SIK3: variants seen among roughly 807,000 people sequenced by gnomAD.
The protein encoded by SIK3 is SIK family kinase 3, also known as serine/threonine-protein kinase SIK3.
In SIK3, 28 loss-of-function variants were observed where a neutral mutation model predicts 144.2. The observed-to-expected ratio is 0.19, with a 90% CI of 0.14 to 0.27. The LOEUF is 0.27. Among genes scored for constraint, SIK3 ranks in the 10% least tolerant of loss-of-function variants. SIK3 has a pLI of 1.00. For missense variants in SIK3, 1,319 were observed against 1,776.0 expected, an observed-to-expected ratio of 0.74 and a Z score of 4.62; for synonymous variants, 686 against 676.3, an observed-to-expected ratio of 1.01 and a Z score of -0.22.
intron 1 of SIK3, among the ~76,000 whole-genome samples, chr11:117,063,186 G>A (rs868305223): frequency 4.5e-4 from 69 of 152,078 alleles, no homozygotes; most frequent in African/African-American, 1.5e-3. Flanking sequence ...AATTATTAAA[G>A]TGATATAAAC....
chr11:116,938,224 G>A (rs1469233180), intron 3 of SIK3, among the ~76,000 whole-genome samples: 24 of 105,244 alleles, frequency 2.3e-4, no homozygotes, highest in South Asian at 4.0e-4. Context: ...GGAGGGGAGG[G>A]GAGGGGAGGG....
At chr11:116,931,383 C>T (rs890376667) in intron 3 of SIK3, among the ~76,000 whole-genome samples, 2 of 152,148 alleles carry the variant, frequency 1.3e-5, no homozygotes, top group Admixed American at 1.3e-4. Flanking sequence ...TTCCCTAGGC[C>T]AGCTTCAATG....
chr11:116,982,037 T>C (rs936417862), intron 1 of SIK3, among the ~76,000 whole-genome samples: 4 of 152,108 alleles, frequency 2.6e-5, no homozygotes, highest in Non-Finnish European at 5.9e-5. Context: ...GAGGCTTCTT[T>C]CCCCTCTCCA....
At chr11:117,061,237 C>A (rs1481171142) in intron 1 of SIK3, among the ~76,000 whole-genome samples, 1 of 151,778 alleles carries the variant, frequency 6.6e-6, no homozygotes, top group Admixed American at 6.6e-5. Context: ...AGCAAGACCC[C>A]ATCTCAAAAA....
At chr11:116,861,459 A>C in intron 18 of SIK3, 76 bp from the exon 19 acceptor site, 8 of 1,109,544 alleles carry the variant, frequency 7.2e-6, no homozygotes, top group South Asian at 7.1e-5. Context: ...GCCATACAAC[A>C]TATATCAGTG....
At chr11:116,984,548 G>A (rs149764699) in intron 1 of SIK3, among the ~76,000 whole-genome samples, 22 of 152,256 alleles carry the variant, frequency 1.4e-4, no homozygotes, top group Non-Finnish European at 2.1e-4. Context: ...GCCCAGATAC[G>A]AAAGCTCAGC....
intron 1 of SIK3, among the ~76,000 whole-genome samples, chr11:117,008,960 T>C (rs7931398): frequency 0.38 from 58,385 of 151,838 alleles, 13,451 homozygotes; most frequent in African/African-American, 0.65. Flanking sequence ...TGTAGCCAGG[T>C]GCGGTGGCTC....
chr11:116,875,316 G>C, intron 10 of SIK3, 49 bp from the exon 11 acceptor site: 1 of 1,612,574 alleles, frequency 6.2e-7, no homozygotes, highest in Non-Finnish European at 8.5e-7. Flanking sequence ...AGGAAGGGAA[G>C]CAAGGATATG....
intron 1 of SIK3, among the ~76,000 whole-genome samples, chr11:117,011,418 G>A (rs1211309334): frequency 6.6e-6 from 1 of 152,176 alleles, no homozygotes; most frequent in Non-Finnish European, 1.5e-5. Flanking sequence ...GATTTGGGAT[G>A]AGTCATTGTT....
At chr11:117,016,600 C>T (rs1305102006) in intron 1 of SIK3, among the ~76,000 whole-genome samples, 1 of 152,042 alleles carries the variant, frequency 6.6e-6, no homozygotes, top group Non-Finnish European at 1.5e-5. Context: ...GATAATCTGA[C>T]ACCAGGAGTT....
chr11:116,955,002 T>A (rs571427425), intron 2 of SIK3, among the ~76,000 whole-genome samples: 30 of 152,338 alleles, frequency 2.0e-4, no homozygotes, highest in African/African-American at 7.0e-4. Context: ...TAATACTACT[T>A]TTTATTTACC....
intron 3 of SIK3, chr11:116,950,271 G>C (rs1395946574): frequency 2.5e-6 from 1 of 401,150 alleles, no homozygotes; most frequent in Non-Finnish European, 5.1e-6. Context: ...GAAGAAAGCT[G>C]CTATTCAGAT....
intron 4 of SIK3, among the ~76,000 whole-genome samples, chr11:116,914,956 C>G (rs1212780894): frequency 1.3e-5 from 2 of 152,094 alleles, no homozygotes; most frequent in Admixed American, 6.6e-5. Flanking sequence ...AGCTAAAAGA[C>G]ATTTTATTTT....
intron 6 of SIK3, among the ~76,000 whole-genome samples, chr11:116,894,205 T>C (rs145953558): frequency 6.6e-6 from 1 of 152,268 alleles, no homozygotes; most frequent in East Asian, 1.9e-4. Flanking sequence ...CTTCACCTGC[T>C]TGTTCTCTAA....
intron 1 of SIK3, among the ~76,000 whole-genome samples, chr11:117,056,711 C>T (rs1188818125): frequency 6.6e-6 from 1 of 152,044 alleles, no homozygotes; most frequent in Non-Finnish European, 1.5e-5. Context: ...ATGGTCTGGC[C>T]AACTCTTACC....
intron 20 of SIK3, 137 bp downstream of exon 20, chr11:116,859,128 G>T: frequency 1.2e-6 from 1 of 821,060 alleles, no homozygotes; most frequent in Non-Finnish European, 1.8e-6. Context: ...CCAGCATCCT[G>T]ATTTTAGAAA....
chr11:117,093,727 C>A (rs1955347545), intron 1 of SIK3, among the ~76,000 whole-genome samples: 1 of 151,494 alleles, frequency 6.6e-6, no homozygotes, highest in Non-Finnish European at 1.5e-5. Context: ...ATGCTGATTT[C>A]ATGAGATTAG....
intron 3 of SIK3, among the ~76,000 whole-genome samples, chr11:116,935,114 A>AT (rs1947841703): frequency 6.6e-6 from 1 of 151,824 alleles, no homozygotes; most frequent in African/African-American, 2.4e-5. Flanking sequence ...TCAGCCAGGC[A>AT]TGGTGGTATG....
chr11:117,023,594 AAACAAACAAACAAAC>A (rs1225354735), intron 1 of SIK3, among the ~76,000 whole-genome samples: 1,466 of 50,860 alleles, frequency 0.029, 32 homozygotes, highest in African/African-American at 0.15. Flanking sequence ...ACAAACAAAC[AAACAAACAAACAAAC>A]AAAAAAAAAA....
Sources: gnomAD v4.1 joint callset for allele counts (sites outside exome capture counted in the v4.1 genomes callset) on GRCh38, gnomAD v4.1.1 for gene constraint, MANE v1.5 for transcripts, NCBI Gene and HGNC (gene_info 2026-07-23, HGNC 2026-07-21) for gene names.